Variants in LRP1B observed in about 807,000 individuals in gnomAD.
LRP1B encodes the protein LDL receptor related protein 1B.
A neutral mutation model predicts 556.6 loss-of-function variants in LRP1B; 217 were observed. That is an observed-to-expected ratio of 0.39 (90% CI 0.35 to 0.44). The LOEUF is 0.44. Among genes scored for constraint, LRP1B ranks in the 20% least tolerant of loss-of-function variants. The probability of loss-of-function intolerance (pLI) is 1.00; values close to 1 mark genes in which losing one functional copy is unlikely to be tolerated. For synonymous variants in LRP1B, 2,047 were observed against 1,865.8 expected (o/e 1.10, Z -2.50); for missense variants, 5,053 against 5,620.8 (o/e 0.90, Z 3.23).
At chr2:140,888,498 T>C (rs1693704942) in intron 23 of LRP1B, among the ~76,000 whole-genome samples, 1 of 151,056 alleles carries the variant, frequency 6.6e-6, no homozygotes, top group Non-Finnish European at 1.5e-5. Flanking sequence ...TTTATATATA[T>C]ATACTTATAC....
chr2:141,088,079 A>G (rs1488004837), intron 7 of LRP1B, among the ~76,000 whole-genome samples: 1 of 152,190 alleles, frequency 6.6e-6, no homozygotes, highest in Non-Finnish European at 1.5e-5. Flanking sequence ...AGGGTACAAA[A>G]AGACATTCTT....
chr2:141,539,268 A>G (rs751682337), intron 2 of LRP1B, among the ~76,000 whole-genome samples: 4 of 152,122 alleles, frequency 2.6e-5, no homozygotes, highest in Non-Finnish European at 5.9e-5. Flanking sequence ...TCCAGCATTT[A>G]GAGAAACAGG....
chr2:141,018,958 T>C (rs1009918031), intron 12 of LRP1B, among the ~76,000 whole-genome samples: 3 of 152,076 alleles, frequency 2.0e-5, no homozygotes, highest in Non-Finnish European at 4.4e-5. Context: ...CTATACAATA[T>C]GTATTTTTTG....
At chr2:141,483,065 A>G (rs991172719) in intron 2 of LRP1B, among the ~76,000 whole-genome samples, 36 of 150,770 alleles carry the variant, frequency 2.4e-4, no homozygotes, top group African/African-American at 8.0e-4. Context: ...TGCACCCATT[A>G]ACTTGTCATT....
chr2:141,075,817 A>T (rs1287738641), intron 7 of LRP1B, among the ~76,000 whole-genome samples: 1 of 152,180 alleles, frequency 6.6e-6, no homozygotes, highest in African/African-American at 2.4e-5. Flanking sequence ...GTCCATTTCT[A>T]TTTCAAATTC....
chr2:140,384,116 T>C (rs377704334), intron 67 of LRP1B, among the ~76,000 whole-genome samples: 8 of 152,282 alleles, frequency 5.3e-5, no homozygotes, highest in African/African-American at 1.4e-4. Context: ...ACTTCTCACA[T>C]AGATTCAACC....
At chr2:140,532,562 A>C in intron 47 of LRP1B, among the ~76,000 whole-genome samples, 1 of 151,478 alleles carries the variant, frequency 6.6e-6, no homozygotes. Flanking sequence ...ACGCCTGGCT[A>C]ATTTTTGTAT....
intron 43 of LRP1B, among the ~76,000 whole-genome samples, chr2:140,589,997 G>A (rs1682151213): frequency 1.3e-5 from 2 of 151,972 alleles, no homozygotes; most frequent in Admixed American, 6.6e-5. Context: ...GTAATCATTA[G>A]GGAAAACTGG....
chr2:140,542,333 T>C (rs1177516329), intron 43 of LRP1B, among the ~76,000 whole-genome samples: 4 of 152,044 alleles, frequency 2.6e-5, no homozygotes, highest in African/African-American at 7.2e-5. Flanking sequence ...TCACCAGATA[T>C]ATGTTAGATA....
At chr2:140,527,935 G>C (rs907050006) in intron 47 of LRP1B, among the ~76,000 whole-genome samples, 1 of 151,844 alleles carries the variant, frequency 6.6e-6, no homozygotes, top group Non-Finnish European at 1.5e-5. Context: ...ATTTTAGGTA[G>C]TTATGATATT....
At chr2:141,928,154 C>A (rs977679015) in intron 1 of LRP1B, among the ~76,000 whole-genome samples, 7 of 152,138 alleles carry the variant, frequency 4.6e-5, no homozygotes, top group Non-Finnish European at 8.8e-5. Context: ...ACATGCCCTG[C>A]AACTTGCCAC....
chr2:140,904,124 G>A (rs979841259), intron 22 of LRP1B, among the ~76,000 whole-genome samples: 2 of 151,934 alleles, frequency 1.3e-5, no homozygotes, highest in African/African-American at 4.8e-5. Flanking sequence ...TGAGTAACAA[G>A]TTAAAAATAT....
At chr2:141,639,405 T>A (rs1345563259) in intron 2 of LRP1B, among the ~76,000 whole-genome samples, 2 of 128,464 alleles carry the variant, frequency 1.6e-5, no homozygotes, top group African/African-American at 2.9e-5. Context: ...TATATATATA[T>A]GTGTATATAT....
rs181986218 is a variant in LRP1B, at chr2:140,695,813, G to A, written c.6799+4437C>T. 6.6e-5 allele frequency among the ~76,000 whole-genome samples: 10 copies of A among 152,106 alleles called. No homozygotes were observed. The East Asian group carries it at 1.5e-3, about 24-fold the overall frequency. ...AAGGAAGACATTTTCATCCTTATTC[G>A]CTCATACCTAATAATCTATGGCACA... On this transcript the variant is annotated intron_variant, in intron 41 of 90. Transcript: ENST00000389484.
At chr2:141,863,275 T>C (rs1233931117) in intron 1 of LRP1B, among the ~76,000 whole-genome samples, 4 of 152,344 alleles carry the variant, frequency 2.6e-5, no homozygotes, top group African/African-American at 7.2e-5. Context: ...CTGCAAGGAC[T>C]GAGCATAGTG....
intron 32 of LRP1B, among the ~76,000 whole-genome samples, chr2:140,807,903 C>A (rs1185521639): frequency 6.6e-6 from 1 of 151,970 alleles, no homozygotes; most frequent in African/African-American, 2.4e-5. Flanking sequence ...ACCAGCCTAG[C>A]CAACATGGTG....
chr2:140,558,550 C>G (rs1680816011), intron 43 of LRP1B, among the ~76,000 whole-genome samples: 3 of 152,004 alleles, frequency 2.0e-5, no homozygotes, highest in Admixed American at 1.3e-4. Context: ...ATAGGCAAAT[C>G]TATAAGGAAG....
At chr2:140,698,324 CA>C (rs1198029129) in intron 41 of LRP1B, among the ~76,000 whole-genome samples, 1 of 151,932 alleles carries the variant, frequency 6.6e-6, no homozygotes, top group African/African-American at 2.4e-5. Context: ...GTATGTGGGT[CA>C]TGTCTATATC....
intron 66 of LRP1B, among the ~76,000 whole-genome samples, chr2:140,438,947 T>C (rs550415220): frequency 1.3e-5 from 2 of 152,226 alleles, no homozygotes; most frequent in South Asian, 2.1e-4. Flanking sequence ...AAATAACTGA[T>C]AAAAACAGAA....
Sources: allele counts gnomAD v4.1 joint callset (sites outside exome capture counted in the v4.1 genomes callset), GRCh38; gene constraint gnomAD v4.1.1; transcripts MANE v1.5; gene names NCBI Gene and HGNC (gene_info 2026-07-23, HGNC 2026-07-21).